The following VMP1 variants were observed in gnomAD, a reference collection of about 807,000 sequenced individuals.
The protein encoded by VMP1 is ectopic P-granules autophagy protein 3 homolog.
In VMP1, 11 loss-of-function variants were observed where a neutral mutation model predicts 56.0. The ratio of observed to expected loss-of-function variants is 0.20; its 90% CI spans 0.12 to 0.32. The LOEUF is 0.32. Among genes scored for constraint, VMP1 ranks in the 10% least tolerant of loss-of-function variants. The probability of loss-of-function intolerance (pLI) is 1.00; values close to 1 mark genes in which losing one functional copy is unlikely to be tolerated. For synonymous variants in VMP1, 149 were observed against 165.0 expected, an observed-to-expected ratio of 0.90 and a Z score of 0.74; for missense variants, 296 against 490.3, an observed-to-expected ratio of 0.60 and a Z score of 3.74.
In VMP1 at chr17:59,840,013, C is replaced by A; in HGVS notation, c.*102C>A. 6.8e-7 allele frequency: 1 copy of A among 1,473,906 alleles called. No homozygotes were observed. Among genetic ancestry groups the A allele is most frequent in the South Asian group, 1.3e-5 (1 of 79,780 alleles). The allele number at this position is 1,473,906 out of a possible 1,614,324, so 91.3% of individuals were successfully genotyped here. On this transcript the variant is annotated 3_prime_UTR_variant, in exon 12 of 12. Transcript: ENST00000262291. ...GAAAATTCCCTTTTCCAACCTGTATCAATTTTTACAACTTTTTTCCTGAAA... is the reference window on the plus strand; with the variant it reads ...GAAAATTCCCTTTTCCAACCTGTATAAATTTTTACAACTTTTTTCCTGAAA...
At chr17:59,744,898 GA>G (rs2035368526) in intron 5 of VMP1, among the ~76,000 whole-genome samples, 1 of 152,024 alleles carries the variant, frequency 6.6e-6, no homozygotes, top group Non-Finnish European at 1.5e-5. Flanking sequence ...ATAATTTGCA[GA>G]AAAGCAAAAG....
At chr17:59,734,376 T>C (rs2034941306) in intron 2 of VMP1, among the ~76,000 whole-genome samples, 1 of 152,040 alleles carries the variant, frequency 6.6e-6, no homozygotes, top group African/African-American at 2.4e-5. Flanking sequence ...ATGAATCAGG[T>C]CTTAGGCTGG....
intron 1 of VMP1, among the ~76,000 whole-genome samples, chr17:59,728,202 G>C (rs1403225315): frequency 2.6e-5 from 4 of 152,164 alleles, no homozygotes; most frequent in Middle Eastern, 6.8e-3. Context: ...TTTGAAAATA[G>C]TTACAATAGT....
intron 10 of VMP1, among the ~76,000 whole-genome samples, chr17:59,831,955 C>G (rs2038821585): frequency 6.6e-6 from 1 of 152,000 alleles, no homozygotes; most frequent in African/African-American, 2.4e-5. Context: ...TTATAGCTCA[C>G]TAAGCCTCCA....
chr17:59,801,491 T>C (rs1312654638), intron 7 of VMP1, among the ~76,000 whole-genome samples: 1 of 151,846 alleles, frequency 6.6e-6, no homozygotes, highest in Non-Finnish European at 1.5e-5. Flanking sequence ...TAGGCTCGAG[T>C]GATCCTCCCA....
intron 7 of VMP1, among the ~76,000 whole-genome samples, chr17:59,798,025 C>T (rs1267220747): frequency 6.6e-6 from 1 of 152,084 alleles, no homozygotes; most frequent in African/African-American, 2.4e-5. Context: ...TCTGGAGTTC[C>T]GGTAATGTTC....
At chr17:59,825,914 G>A (rs1274888742) in intron 10 of VMP1, among the ~76,000 whole-genome samples, 2 of 152,192 alleles carry the variant, frequency 1.3e-5, no homozygotes, top group African/African-American at 4.8e-5. Flanking sequence ...TGAGCTACGT[G>A]GGCCTGGACT....
intron 1 of VMP1, among the ~76,000 whole-genome samples, chr17:59,719,487 A>G (rs2034309510): frequency 2.0e-5 from 3 of 148,712 alleles, no homozygotes; most frequent in East Asian, 2.0e-4. Flanking sequence ...TGGATAGATG[A>G]TTTTTTTTTT....
intron 5 of VMP1, among the ~76,000 whole-genome samples, chr17:59,743,712 G>GA (rs1304371534): frequency 2.0e-5 from 3 of 151,290 alleles, no homozygotes; most frequent in Non-Finnish European, 4.4e-5. Context: ...CTAATATATA[G>GA]AAAAAACTTG....
chr17:59,791,089 T>G (rs1257655679), intron 7 of VMP1, among the ~76,000 whole-genome samples: 4 of 152,070 alleles, frequency 2.6e-5, no homozygotes, highest in Non-Finnish European at 5.9e-5. Context: ...GCCACATAAC[T>G]GTACTCATTT....
intron 6 of VMP1, among the ~76,000 whole-genome samples, chr17:59,772,577 T>C (rs1157984910): frequency 6.6e-6 from 1 of 151,856 alleles, no homozygotes; most frequent in Non-Finnish European, 1.5e-5. Flanking sequence ...GAGACCAGCC[T>C]GGCCAACATA....
At chr17:59,799,780 T>C (rs1023316730) in intron 7 of VMP1, among the ~76,000 whole-genome samples, 7 of 152,034 alleles carry the variant, frequency 4.6e-5, no homozygotes, top group Non-Finnish European at 1.0e-4. Flanking sequence ...CTGGCCAACA[T>C]GGTAAAACCC....
At chr17:59,756,150 G>A (rs764698577) in intron 5 of VMP1, among the ~76,000 whole-genome samples, 2 of 152,028 alleles carry the variant, frequency 1.3e-5, no homozygotes, top group Non-Finnish European at 2.9e-5. Flanking sequence ...TTACACTCTA[G>A]CCTTCTAGAA....
chr17:59,839,916 A>G lies in VMP1; in HGVS notation c.*5A>G. 1.2e-6 allele frequency: 2 copies of G among 1,610,132 alleles called. No individual in the cohort carries two copies. The highest frequency in any genetic ancestry group is 2.2e-5 in the South Asian group (2 of 90,078). On this transcript the variant is annotated 3_prime_UTR_variant, in exon 12 of 12. Transcript: ENST00000262291. ...TCAGAGGAGAAAACTAAATAAGTAG[A>G]GAAAGTTTTAAACTGCAGAAATTGG...
chr17:59,716,476 C>G (rs1247650688), intron 1 of VMP1, among the ~76,000 whole-genome samples: 1 of 152,126 alleles, frequency 6.6e-6, no homozygotes, highest in Admixed American at 6.5e-5. Flanking sequence ...GTATATGTGA[C>G]TCTGGAATTC....
chr17:59,752,372 C>A (rs754952817), intron 5 of VMP1, among the ~76,000 whole-genome samples: 36 of 152,132 alleles, frequency 2.4e-4, no homozygotes, highest in Non-Finnish European at 4.6e-4. Flanking sequence ...ACATAGTGAG[C>A]CTGGGAGCCT....
chr17:59,783,650 C>G (rs895967386), intron 7 of VMP1, among the ~76,000 whole-genome samples: 4 of 152,162 alleles, frequency 2.6e-5, no homozygotes, highest in African/African-American at 7.2e-5. Context: ...CGCTTTGGGT[C>G]AAAATCTGAG....
At chr17:59,744,763 T>C (rs2035363457) in intron 5 of VMP1, among the ~76,000 whole-genome samples, 1 of 151,470 alleles carries the variant, frequency 6.6e-6, no homozygotes, top group South Asian at 2.1e-4. Context: ...TAAAGAGAGA[T>C]CTAGTATATG....
intron 7 of VMP1, among the ~76,000 whole-genome samples, chr17:59,789,893 G>A (rs1307836108): frequency 2.5e-5 from 3 of 118,226 alleles, no homozygotes; most frequent in African/African-American, 9.7e-5. Flanking sequence ...AGACTGGAGT[G>A]CAGTGGTGTG....
Sources: allele counts gnomAD v4.1 joint callset (sites outside exome capture counted in the v4.1 genomes callset), GRCh38; gene constraint gnomAD v4.1.1; transcripts MANE v1.5; gene names NCBI Gene and HGNC (gene_info 2026-07-23, HGNC 2026-07-21).